GALNT14: variants seen among roughly 807,000 people sequenced by gnomAD.
GALNT14 encodes the protein UDP-GalNAc:polypeptide N-acetylgalactosaminyltransferase 14.
Under a neutral mutation model 77.5 loss-of-function variants are expected in GALNT14, and 60 were observed. The observed-to-expected ratio is 0.77, with a 90% CI of 0.63 to 0.96. GALNT14 has a LOEUF of 0.96. GALNT14 is among the 40% of genes least tolerant of loss of function. GALNT14 has a pLI of 0.00. For synonymous variants in GALNT14, 280 were observed against 281.7 expected (o/e 0.99, Z 0.06); for missense variants, 710 against 731.0 (o/e 0.97, Z 0.33).
At chr2:30,914,874 A>C (rs539579065) in intron 13 of GALNT14, among the ~76,000 whole-genome samples, 1 of 152,284 alleles carries the variant, frequency 6.6e-6, no homozygotes, top group South Asian at 2.1e-4. Context: ...TGGGCCTAGA[A>C]TATTCCTTGG....
chr2:31,114,530 G>A (rs1678002827), intron 1 of GALNT14, among the ~76,000 whole-genome samples: 1 of 152,178 alleles, frequency 6.6e-6, no homozygotes, highest in Admixed American at 6.5e-5. Flanking sequence ...GGTTGCTGTA[G>A]AGACCTAAAT....
chr2:30,992,933 G>A lies in GALNT14; in HGVS notation c.204C>T (p.Arg68=), dbSNP rs41280619. ...ACAGCTTATAGGGGTCGTCACCAACGCGCCACTTTTTGGCATTCAGATACC... is the reference window on the plus strand; with the variant it reads ...ACAGCTTATAGGGGTCGTCACCAACACGCCACTTTTTGGCATTCAGATACC... ...ERRYLNAKKW[R]VGDDPYKLYA... Residue 68 remains arginine (R), a synonymous_variant, in exon 2 of 15, where the codon CGC becomes CGT. Coordinates refer to ENST00000349752, the MANE Select transcript of GALNT14 (RefSeq NM_024572.4). 23,940 of 1,614,098 alleles carry A rather than the reference G, an allele frequency of 0.015. 259 individuals carry two copies. Among genetic ancestry groups the A allele is most frequent in the South Asian group, 0.016 (1,435 of 91,070 alleles).
intron 1 of GALNT14, among the ~76,000 whole-genome samples, chr2:31,047,489 G>A (rs1482312649): frequency 6.6e-6 from 1 of 152,184 alleles, no homozygotes; most frequent in Admixed American, 6.5e-5. Context: ...CTCTGGGCCT[G>A]AAGAGCTTCA....
intron 2 of GALNT14, among the ~76,000 whole-genome samples, chr2:30,980,270 C>A (rs554577494): frequency 7.2e-5 from 11 of 152,220 alleles, no homozygotes; most frequent in Non-Finnish European, 1.3e-4. Flanking sequence ...GGCCCTGTTA[C>A]CTGTCTGCCC....
At chr2:30,994,937 G>T (rs985712443) in intron 1 of GALNT14, among the ~76,000 whole-genome samples, 2 of 152,166 alleles carry the variant, frequency 1.3e-5, no homozygotes, top group African/African-American at 2.4e-5. Context: ...CGATGACAAG[G>T]CTATGAGAGC....
At chr2:30,941,191 A>T (rs879308499) in intron 9 of GALNT14, among the ~76,000 whole-genome samples, 1 of 152,210 alleles carries the variant, frequency 6.6e-6, no homozygotes, top group Non-Finnish European at 1.5e-5. Flanking sequence ...GTACCCAGAG[A>T]GGGAAGGGTC....
chr2:30,993,069 G>A, intron 1 of GALNT14, 62 bp from the exon 2 acceptor site: 1 of 1,557,196 alleles, frequency 6.4e-7, no homozygotes, highest in Non-Finnish European at 8.7e-7. Flanking sequence ...GCCCCCGTCT[G>A]CCTATCAGTA....
chr2:30,947,829 G>GC (rs1353375875), intron 6 of GALNT14, among the ~76,000 whole-genome samples: 1 of 152,196 alleles, frequency 6.6e-6, no homozygotes, highest in African/African-American at 2.4e-5. Flanking sequence ...TTGGCCCTCA[G>GC]CCTCCCACAT....
chr2:31,071,030 C>T (rs996858630), intron 1 of GALNT14, among the ~76,000 whole-genome samples: 1 of 152,142 alleles, frequency 6.6e-6, no homozygotes, highest in African/African-American at 2.4e-5. Flanking sequence ...TGTTCTCACT[C>T]ATAAGTGGGA....
chr2:30,967,521 C>G (rs1028199831), intron 2 of GALNT14, among the ~76,000 whole-genome samples: 1 of 152,176 alleles, frequency 6.6e-6, no homozygotes, highest in Non-Finnish European at 1.5e-5. Context: ...CGTGGGTCAT[C>G]CAGGAGGAGC....
chr2:30,972,620 G>A (rs1234824070), intron 2 of GALNT14, among the ~76,000 whole-genome samples: 2 of 152,250 alleles, frequency 1.3e-5, no homozygotes, highest in Admixed American at 6.5e-5. Flanking sequence ...AACCAGGCCT[G>A]CTGGACTCCA....
intron 1 of GALNT14, among the ~76,000 whole-genome samples, chr2:31,124,168 T>C (rs565510639): frequency 6.6e-6 from 1 of 152,314 alleles, no homozygotes; most frequent in South Asian, 2.1e-4. Flanking sequence ...TCCCCATGCT[T>C]GACAGGCACT....
At chr2:31,137,336 TCAACTCCC>T (rs1476658941) in intron 1 of GALNT14, among the ~76,000 whole-genome samples, 1 of 152,194 alleles carries the variant, frequency 6.6e-6, no homozygotes, top group African/African-American at 2.4e-5. Context: ...TCCCATTTCC[TCAACTCCC>T]CGCCAATACC....
intron 1 of GALNT14, among the ~76,000 whole-genome samples, chr2:31,097,586 T>A (rs1344384049): frequency 6.6e-6 from 1 of 150,976 alleles, no homozygotes; most frequent in African/African-American, 2.4e-5. Context: ...GAAAATAAAA[T>A]AGGGTTTTTG....
chr2:31,123,731 A>G (rs11124243), intron 1 of GALNT14, among the ~76,000 whole-genome samples: 54,547 of 151,984 alleles, frequency 0.36, 10,064 homozygotes, highest in Middle Eastern at 0.46. Context: ...CATGATCAGG[A>G]CAGGAAATTC....
chr2:30,951,474 G>A (rs1437622840), intron 6 of GALNT14, among the ~76,000 whole-genome samples: 1 of 152,116 alleles, frequency 6.6e-6, no homozygotes, highest in East Asian at 1.9e-4. Context: ...TGGGTATGAG[G>A]TTTCCTTTTG....
At chr2:30,956,503 C>T (rs1180654453) in intron 4 of GALNT14, among the ~76,000 whole-genome samples, 3 of 152,134 alleles carry the variant, frequency 2.0e-5, no homozygotes, top group Admixed American at 1.3e-4. Context: ...TACAAACAAT[C>T]TCATTTCTCT....
chr2:30,959,870 C>T (rs1368511799), intron 3 of GALNT14, among the ~76,000 whole-genome samples: 4 of 152,166 alleles, frequency 2.6e-5, no homozygotes, highest in African/African-American at 4.8e-5. Flanking sequence ...GGCTGGGCCA[C>T]ACCAGCTATC....
chr2:30,909,983 T>G (rs892351954), downstream of GALNT14, among the ~76,000 whole-genome samples: 1 of 146,594 alleles, frequency 6.8e-6, no homozygotes, highest in Non-Finnish European at 1.5e-5. Flanking sequence ...CACCACATAT[T>G]CTCACTCACA....
Sources: gnomAD v4.1 joint callset for allele counts (sites outside exome capture counted in the v4.1 genomes callset) on GRCh38, gnomAD v4.1.1 for gene constraint, MANE v1.5 for transcripts, NCBI Gene and HGNC (gene_info 2026-07-23, HGNC 2026-07-21) for gene names.